The following KLF12 variants were observed in gnomAD, a reference collection of about 807,000 sequenced individuals.
KLF12 encodes KLF transcription factor 12, also known as Krueppel-like factor 12.
In KLF12, 9 loss-of-function variants were observed where a neutral mutation model predicts 37.8. That is an observed-to-expected ratio of 0.24 (90% CI 0.14 to 0.42). KLF12 has a LOEUF of 0.42. Ranked by LOEUF, KLF12 falls within the 10% of genes least tolerant of loss-of-function variation. The probability of loss-of-function intolerance (pLI) is 1.00; values close to 1 mark genes in which losing one functional copy is unlikely to be tolerated. For missense variants in KLF12, 411 were observed against 516.0 expected (o/e 0.80, Z 1.97); for synonymous variants, 208 against 202.1 (o/e 1.03, Z -0.25).
intron 6 of KLF12, among the ~76,000 whole-genome samples, chr13:73,718,012 A>G (rs17090362): frequency 0.065 from 9,860 of 152,288 alleles, 408 homozygotes; most frequent in South Asian, 0.17. Context: ...AACATCTTTT[A>G]AAAGTGAGAA....
chr13:74,042,672 C>G (rs752523138), intron 1 of KLF12, among the ~76,000 whole-genome samples: 1 of 151,926 alleles, frequency 6.6e-6, no homozygotes, highest in Admixed American at 6.6e-5. Flanking sequence ...AAGACAGATC[C>G]GATAAGTATG....
chr13:74,106,685 T>G (rs1382406871), intron 1 of KLF12, among the ~76,000 whole-genome samples: 1 of 152,196 alleles, frequency 6.6e-6, no homozygotes, highest in Non-Finnish European at 1.5e-5. Context: ...AACAGATGAC[T>G]GCACTGGGCT....
At chr13:74,192,979 GT>G in the KLF12 span, among the ~76,000 whole-genome samples, 1,832 of 129,834 alleles carry the variant, frequency 0.014, 17 homozygotes, top group African/African-American at 0.045. Context: ...AACTTTTTCT[GT>G]TTTTTTTTTT....
intron 3 of KLF12, among the ~76,000 whole-genome samples, chr13:73,912,908 T>A (rs1160590956): frequency 6.6e-6 from 1 of 151,928 alleles, no homozygotes; most frequent in African/African-American, 2.4e-5. Context: ...ATCCTCTGGC[T>A]TCTCCCTCTC....
chr13:73,863,652 TC>T (rs1390714942), intron 3 of KLF12, among the ~76,000 whole-genome samples: 2 of 152,184 alleles, frequency 1.3e-5, no homozygotes, highest in African/African-American at 4.8e-5. Flanking sequence ...CTTTGATTAT[TC>T]AATAAATTAC....
chr13:74,241,707 G>A, the KLF12 span, among the ~76,000 whole-genome samples: 4 of 152,156 alleles, frequency 2.6e-5, no homozygotes, highest in Non-Finnish European at 4.4e-5. Context: ...GGAGTGACCC[G>A]ATTTTCCAGG....
chr13:73,990,872 C>T (rs1475563051), intron 2 of KLF12, among the ~76,000 whole-genome samples: 3 of 151,912 alleles, frequency 2.0e-5, no homozygotes, highest in Admixed American at 6.6e-5. Flanking sequence ...TTTTAAAAAA[C>T]CGTTTCTAAT....
chr13:73,889,973 G>C (rs1887424397), intron 3 of KLF12, among the ~76,000 whole-genome samples: 1 of 152,024 alleles, frequency 6.6e-6, no homozygotes, highest in African/African-American at 2.4e-5. Context: ...TGTCCTCTAA[G>C]TAATTATATG....
At chr13:73,862,742 A>T (rs1368013006) in intron 3 of KLF12, among the ~76,000 whole-genome samples, 1 of 152,160 alleles carries the variant, frequency 6.6e-6, no homozygotes, top group African/African-American at 2.4e-5. Flanking sequence ...ACGTTATTCA[A>T]TTATTTATTA....
chr13:74,115,979 C>T (rs1287907463), intron 1 of KLF12, among the ~76,000 whole-genome samples: 1 of 152,140 alleles, frequency 6.6e-6, no homozygotes, highest in African/African-American at 2.4e-5. Context: ...AGGATTCACA[C>T]GTGGGTATAT....
chr13:74,172,261 G>A, the KLF12 span, among the ~76,000 whole-genome samples: 3 of 151,634 alleles, frequency 2.0e-5, no homozygotes, highest in African/African-American at 4.8e-5. Flanking sequence ...CTGTAAAAAG[G>A]CACTAAACTG....
intron 3 of KLF12, among the ~76,000 whole-genome samples, chr13:73,849,617 AG>A (rs1414043950): frequency 6.6e-6 from 1 of 152,154 alleles, no homozygotes; most frequent in African/African-American, 2.4e-5. Flanking sequence ...CCAGCCTCAA[AG>A]GGGATAAGAA....
intron 6 of KLF12, among the ~76,000 whole-genome samples, chr13:73,737,313 T>G (rs756255022): frequency 6.6e-6 from 1 of 152,320 alleles, no homozygotes; most frequent in Non-Finnish European, 1.5e-5. Flanking sequence ...GGAATCAGAT[T>G]TATTTATTCT....
At position 73,853,582 on chromosome 13, in the gene KLF12, T is replaced by C. The variant is rs1287230870; in HGVS notation, c.124-7209A>G. On this transcript the variant is annotated intron_variant, in intron 3 of 7. Coordinates refer to ENST00000377669, the MANE Select transcript of KLF12 (RefSeq NM_007249.5). ...TGAAACCCTGTCTCTACTAAAAAAATACAAAAATTAGCAGAGTGTGGTGGT... is the reference window on the plus strand; with the variant it reads ...TGAAACCCTGTCTCTACTAAAAAAACACAAAAATTAGCAGAGTGTGGTGGT... Among the ~76,000 whole-genome samples, 5 of 151,872 alleles carry C rather than the reference T, an allele frequency of 3.3e-5. 1 individual carries two copies. In the South Asian group the frequency reaches 1.0e-3, roughly 32 times the overall value.
the KLF12 span, among the ~76,000 whole-genome samples, chr13:74,149,461 C>T: frequency 2.2e-4 from 34 of 152,190 alleles, no homozygotes; most frequent in African/African-American, 6.3e-4. Context: ...TCTCTCATAG[C>T]TCACGTATGT....
chr13:73,904,468 CCT>C (rs1491109575), intron 3 of KLF12, among the ~76,000 whole-genome samples: 2 of 51,286 alleles, frequency 3.9e-5, no homozygotes, highest in African/African-American at 1.4e-4. Flanking sequence ...TTCTTTCTTT[CCT>C]TTTTTTTTTT....
intron 3 of KLF12, among the ~76,000 whole-genome samples, chr13:73,882,264 A>C (rs1056711760): frequency 6.6e-6 from 1 of 152,192 alleles, no homozygotes; most frequent in Non-Finnish European, 1.5e-5. Flanking sequence ...ACATTTGAAG[A>C]AGATACTCTT....
chr13:73,946,075 G>A (rs958587712), intron 2 of KLF12, among the ~76,000 whole-genome samples: 5 of 152,102 alleles, frequency 3.3e-5, no homozygotes, highest in East Asian at 1.9e-4. Context: ...TCGACTCTCC[G>A]GAGTCTGGCA....
the KLF12 span, among the ~76,000 whole-genome samples, chr13:74,222,049 A>C: frequency 6.6e-6 from 1 of 152,180 alleles, no homozygotes; most frequent in Non-Finnish European, 1.5e-5. Flanking sequence ...GAGTGAGAGG[A>C]GCTAGATGGT....
Sources: gnomAD v4.1 joint callset for allele counts (sites outside exome capture counted in the v4.1 genomes callset) on GRCh38, gnomAD v4.1.1 for gene constraint, MANE v1.5 for transcripts, NCBI Gene and HGNC (gene_info 2026-07-23, HGNC 2026-07-21) for gene names.